Variants in FRMD4A observed in about 807,000 individuals in gnomAD.
FRMD4A encodes the protein FERM domain-containing protein 4A.
In FRMD4A, 29 loss-of-function variants were observed where a neutral mutation model predicts 129.1. That is an observed-to-expected ratio of 0.22 (90% confidence interval 0.17 to 0.31). The LOEUF (loss-of-function observed/expected upper bound fraction) is 0.31, where lower values mean the gene tolerates loss of function less well. Among genes scored for constraint, FRMD4A ranks in the 10% least tolerant of loss-of-function variants. The pLI is 1.00. For synonymous variants in FRMD4A, 634 were observed against 571.6 expected, an observed-to-expected ratio of 1.11 and a Z score of -1.56; for missense variants, 1,272 against 1,375.8, an observed-to-expected ratio of 0.92 and a Z score of 1.19.
chr10:13,879,990 T>C (rs1008313240), intron 2 of FRMD4A, among the ~76,000 whole-genome samples: 1 of 152,042 alleles, frequency 6.6e-6, no homozygotes, highest in South Asian at 2.1e-4. Flanking sequence ...TTGGTGCTTA[T>C]GCATTTTCCC....
At chr10:14,140,140 C>A (rs1405381970) in intron 2 of FRMD4A, among the ~76,000 whole-genome samples, 1 of 152,148 alleles carries the variant, frequency 6.6e-6, no homozygotes, top group African/African-American at 2.4e-5. Flanking sequence ...CGGCTCACTG[C>A]AACCTCTCCC....
chr10:14,289,849 C>T (rs7922950), intron 2 of FRMD4A, among the ~76,000 whole-genome samples: 49,379 of 151,676 alleles, frequency 0.33, 8,294 homozygotes, highest in Middle Eastern at 0.38. Context: ...CTCTTATATA[C>T]AGAAAATCCT....
chr10:14,059,069 A>T (rs1269496582), intron 2 of FRMD4A, among the ~76,000 whole-genome samples: 2 of 152,200 alleles, frequency 1.3e-5, no homozygotes, highest in Non-Finnish European at 2.9e-5. Context: ...TTTGATGAAA[A>T]AACAGTGAAA....
chr10:13,943,675 A>G lies in FRMD4A; in HGVS notation c.46-84763T>C, dbSNP rs9794277. ...AAAAAAAAAAAAAAAAAAAAAAAAA[A>G]AAAAGAAAAAGAAAAGAAAGAAAGA... is the stretch of plus-strand genomic sequence containing the variant. On this transcript the variant is annotated intron_variant, in intron 2 of 24. Transcript: ENST00000357447. 3.9e-3 allele frequency among the ~76,000 whole-genome samples: 486 copies of G among 123,692 alleles called. 6 individuals are homozygous for G. Among genetic ancestry groups the G allele is most frequent in the African/African-American group, 7.2e-3 (254 of 35,316 alleles). The allele number at this position is 123,692 out of a possible 152,430, so 81.1% of individuals were successfully genotyped here. A position where few individuals can be genotyped will look rare whatever the true frequency, so the allele number is the denominator to read the frequency against.
intron 2 of FRMD4A, among the ~76,000 whole-genome samples, chr10:14,207,218 T>C (rs535842885): frequency 2.0e-5 from 3 of 152,286 alleles, no homozygotes; most frequent in Admixed American, 2.0e-4. Context: ...ATGCTCATAT[T>C]ATTATGTTAA....
intron 2 of FRMD4A, among the ~76,000 whole-genome samples, chr10:14,124,331 A>G (rs1014681279): frequency 1.3e-5 from 2 of 152,234 alleles, no homozygotes; most frequent in Non-Finnish European, 2.9e-5. Flanking sequence ...GCAGCCCTGC[A>G]GGATACCTGC....
intron 12 of FRMD4A, among the ~76,000 whole-genome samples, chr10:13,734,308 C>T (rs2090496081): frequency 6.6e-6 from 1 of 152,160 alleles, no homozygotes. Flanking sequence ...TATCCAGCCT[C>T]CAAGCAGTTT....
intron 2 of FRMD4A, among the ~76,000 whole-genome samples, chr10:14,037,261 A>C (rs1833543549): frequency 6.6e-6 from 1 of 152,118 alleles, no homozygotes; most frequent in South Asian, 2.1e-4. Flanking sequence ...CTTTTTTTGA[A>C]ACAGTCTCGT....
chr10:13,702,185 C>T (rs1432526766), intron 13 of FRMD4A, among the ~76,000 whole-genome samples: 1 of 152,194 alleles, frequency 6.6e-6, no homozygotes, highest in African/African-American at 2.4e-5. Flanking sequence ...AATTCTCCTG[C>T]TTCAGCCTTC....
chr10:14,191,274 A>G (rs1424139338), intron 2 of FRMD4A, among the ~76,000 whole-genome samples: 1 of 152,200 alleles, frequency 6.6e-6, no homozygotes, highest in African/African-American at 2.4e-5. Context: ...GGGAATCCCA[A>G]ACAGAAAGGG....
At chr10:14,234,102 G>T (rs1485868700) in intron 2 of FRMD4A, among the ~76,000 whole-genome samples, 1 of 152,162 alleles carries the variant, frequency 6.6e-6, no homozygotes, top group Non-Finnish European at 1.5e-5. Context: ...ACCCTGCTCA[G>T]CCACAGACAG....
chr10:13,804,783 C>A (rs2093332362), intron 4 of FRMD4A, among the ~76,000 whole-genome samples: 1 of 142,766 alleles, frequency 7.0e-6, no homozygotes, highest in South Asian at 2.2e-4. Context: ...TGGTCTTGAT[C>A]TCTTGACCTT....
intron 2 of FRMD4A, among the ~76,000 whole-genome samples, chr10:14,186,727 A>G (rs1842156640): frequency 6.6e-6 from 1 of 152,172 alleles, no homozygotes; most frequent in Admixed American, 6.5e-5. Flanking sequence ...CTGAGGATGC[A>G]GATGTTGCGC....
At chr10:13,941,614 G>C (rs1022403182) in intron 2 of FRMD4A, among the ~76,000 whole-genome samples, 60 of 152,206 alleles carry the variant, frequency 3.9e-4, no homozygotes, top group Admixed American at 3.7e-3. Flanking sequence ...GTGCTACTTG[G>C]AGGCTTGAGC....
chr10:13,811,058 G>C (rs1322609563), intron 3 of FRMD4A, 150 bp from the exon 4 acceptor site: 1 of 538,792 alleles, frequency 1.9e-6, no homozygotes, highest in Admixed American at 3.1e-5. Flanking sequence ...CAAACAAATA[G>C]ACAATGACAC....
chr10:13,996,072 C>T (rs1188343983), intron 2 of FRMD4A, among the ~76,000 whole-genome samples: 4 of 152,178 alleles, frequency 2.6e-5, no homozygotes, highest in Non-Finnish European at 5.9e-5. Flanking sequence ...GGAGCACTCA[C>T]TTTCTGGCTT....
chr10:14,248,408 C>T (rs938785326), intron 2 of FRMD4A, among the ~76,000 whole-genome samples: 1 of 152,184 alleles, frequency 6.6e-6, no homozygotes, highest in Non-Finnish European at 1.5e-5. Context: ...TTTTTCCAGT[C>T]TTACATATTA....
intron 2 of FRMD4A, among the ~76,000 whole-genome samples, chr10:13,915,364 G>A (rs1231407279): frequency 6.6e-6 from 1 of 151,916 alleles, no homozygotes; most frequent in Non-Finnish European, 1.5e-5. Flanking sequence ...TAAGTGGAAA[G>A]GGTCAGGAAG....
At chr10:13,906,731 A>C (rs1361970619) in intron 2 of FRMD4A, among the ~76,000 whole-genome samples, 1 of 152,162 alleles carries the variant, frequency 6.6e-6, no homozygotes, top group Non-Finnish European at 1.5e-5. Context: ...GTCTTGTCCT[A>C]AATAACTGTG....
Sources: allele counts gnomAD v4.1 joint callset (sites outside exome capture counted in the v4.1 genomes callset), GRCh38; gene constraint gnomAD v4.1.1; transcripts MANE v1.5; gene names NCBI Gene and HGNC (gene_info 2026-07-23, HGNC 2026-07-21).